GRK5: variants seen among roughly 807,000 people sequenced by gnomAD.
The protein encoded by GRK5 is G protein-coupled receptor kinase 5.
In GRK5, 40 loss-of-function variants were observed where a neutral mutation model predicts 78.4. That is an observed-to-expected ratio of 0.51 (90% CI 0.40 to 0.66). The LOEUF (loss-of-function observed/expected upper bound fraction) is 0.66. Ranked by LOEUF, GRK5 falls within the 30% of genes least tolerant of loss-of-function variation. The pLI, the probability that GRK5 is intolerant of heterozygous loss-of-function variation, is 0.00. For missense variants in GRK5, 598 were observed against 759.9 expected, an observed-to-expected ratio of 0.79 and a Z score of 2.50; for synonymous variants, 289 against 296.8, an observed-to-expected ratio of 0.97 and a Z score of 0.27.
intron 1 of GRK5, among the ~76,000 whole-genome samples, chr10:119,277,680 T>C (rs1379764128): frequency 6.6e-6 from 1 of 152,242 alleles, no homozygotes. Context: ...TATCCATCAC[T>C]GCTGAAAGTT....
At chr10:119,283,167 GT>G (rs949667234) in intron 1 of GRK5, among the ~76,000 whole-genome samples, 5 of 149,202 alleles carry the variant, frequency 3.4e-5, no homozygotes, top group South Asian at 2.1e-4. Context: ...TCAGGATGGT[GT>G]TTTTTTTTTA....
rs1853408446 is a variant in GRK5, at chr10:119,456,854, C to A, written c.*1787C>A. On this transcript the variant is annotated 3_prime_UTR_variant, in exon 16 of 16. Transcript: ENST00000392870. The surrounding 1 kb of genome is among the most constrained non-coding windows in gnomAD (Gnocchi z 5.5). ...TGAGGCCCGGTTTCCATGCCTAACCCCCGGACTCTACCCCTGGGTCCTGGG... is the reference window on the plus strand; with the variant it reads ...TGAGGCCCGGTTTCCATGCCTAACCACCGGACTCTACCCCTGGGTCCTGGG... 6.6e-6 allele frequency: 1 copy of A among 152,280 alleles called. No individual in the cohort carries two copies. Among genetic ancestry groups the A allele is most frequent in the Non-Finnish European group, 1.5e-5 (1 of 68,104 alleles). 9.4% of individuals were successfully genotyped at this position (152,280 alleles called of 1,614,324 possible).
At chr10:119,224,223 G>A (rs531452657) in intron 1 of GRK5, among the ~76,000 whole-genome samples, 1 of 152,158 alleles carries the variant, frequency 6.6e-6, no homozygotes, top group South Asian at 2.1e-4. Flanking sequence ...CAGATTCCCA[G>A]ACTGGGCTCT....
intron 3 of GRK5, among the ~76,000 whole-genome samples, chr10:119,393,298 C>T (rs990017904): frequency 6.6e-6 from 1 of 152,268 alleles, no homozygotes; most frequent in African/African-American, 2.4e-5. Flanking sequence ...CTCCCTCTGC[C>T]GCCCTGTGGA....
chr10:119,268,891 G>C (rs1363898542), intron 1 of GRK5, among the ~76,000 whole-genome samples: 1 of 152,232 alleles, frequency 6.6e-6, no homozygotes, highest in African/African-American at 2.4e-5. Context: ...CCAGGAGCCA[G>C]CTGTCCTCAC....
At chr10:119,294,121 G>C (rs1850034901) in intron 1 of GRK5, among the ~76,000 whole-genome samples, 1 of 152,156 alleles carries the variant, frequency 6.6e-6, no homozygotes, top group Non-Finnish European at 1.5e-5. Context: ...CCTCCTGCAG[G>C]GAGGAAAGCG....
In GRK5 at chr10:119,365,657, A is replaced by G. The variant is rs148791989; in HGVS notation, c.149-15158A>G. 4.4e-3 allele frequency among the ~76,000 whole-genome samples: 674 copies of G among 152,324 alleles called. 6 individuals carry two copies. The highest frequency in any genetic ancestry group is 0.016 in the African/African-American group (650 of 41,570). On this transcript the variant is annotated intron_variant, in intron 2 of 15. Transcript: ENST00000392870. ...CATGCCCTGGGGTGATGAACAAGAC[A>G]AAAGCCTTCCCCTACCCGGCCTCAG...
intron 4 of GRK5, among the ~76,000 whole-genome samples, chr10:119,414,787 A>G (rs966406553): frequency 7.2e-5 from 11 of 152,176 alleles, no homozygotes; most frequent in Non-Finnish European, 8.8e-5. Context: ...GGTGCTCAAG[A>G]AAAGGCAATG....
chr10:119,417,741 T>A (rs1007294397), intron 4 of GRK5, among the ~76,000 whole-genome samples: 4 of 151,930 alleles, frequency 2.6e-5, no homozygotes, highest in African/African-American at 9.7e-5. Context: ...ATGCATGAGA[T>A]GAGGACAAAA....
At chr10:119,335,098 C>T (rs1421139106) in intron 2 of GRK5, 2 of 144,892 alleles carry the variant, frequency 1.4e-5, no homozygotes, top group East Asian at 4.2e-4. Context: ...CCCAACATTG[C>T]CTGCCTGCCT....
chr10:119,443,989 A>G (rs1853093191), intron 12 of GRK5, among the ~76,000 whole-genome samples: 1 of 152,050 alleles, frequency 6.6e-6, no homozygotes, highest in African/African-American at 2.4e-5. Context: ...AACCAAGGGA[A>G]GAGGGGTGAG....
chr10:119,223,597 G>A (rs976075879), intron 1 of GRK5, among the ~76,000 whole-genome samples: 1 of 152,004 alleles, frequency 6.6e-6, no homozygotes, highest in Non-Finnish European at 1.5e-5. Flanking sequence ...AGGTTCCCTG[G>A]CAGTTGGTTT....
intron 1 of GRK5, among the ~76,000 whole-genome samples, chr10:119,323,033 T>C (rs562004578): frequency 1.3e-5 from 2 of 152,356 alleles, no homozygotes; most frequent in African/African-American, 2.4e-5. Context: ...GACATTACGC[T>C]AAGTGAAAGA....
intron 12 of GRK5, among the ~76,000 whole-genome samples, chr10:119,446,165 C>A (rs1853144563): frequency 6.6e-6 from 1 of 152,188 alleles, no homozygotes; most frequent in African/African-American, 2.4e-5. Flanking sequence ...CACACCTTCT[C>A]TTCCTCTCAC....
intron 1 of GRK5, among the ~76,000 whole-genome samples, chr10:119,261,507 C>T (rs1306312588): frequency 1.3e-5 from 2 of 151,918 alleles, no homozygotes; most frequent in Non-Finnish European, 2.9e-5. Context: ...GGCGGCCGGG[C>T]AGAGGCTGCA....
At chr10:119,427,817 C>T (rs947839969) in intron 6 of GRK5, among the ~76,000 whole-genome samples, 114 of 152,276 alleles carry the variant, frequency 7.5e-4, no homozygotes, top group African/African-American at 2.7e-3. Context: ...AGCATCACCA[C>T]CATCATCAGC....
At chr10:119,449,652 G>A (rs558495385) in intron 13 of GRK5, among the ~76,000 whole-genome samples, 1 of 152,230 alleles carries the variant, frequency 6.6e-6, no homozygotes, top group South Asian at 2.1e-4. Context: ...AACCAGGCTT[G>A]GGGGCACACA....
chr10:119,251,990 C>T (rs974924150), intron 1 of GRK5, among the ~76,000 whole-genome samples: 2 of 152,354 alleles, frequency 1.3e-5, no homozygotes, highest in African/African-American at 4.8e-5. Flanking sequence ...TCATCCCACC[C>T]TCCCTGCCTT....
intron 1 of GRK5, among the ~76,000 whole-genome samples, chr10:119,215,747 G>T: frequency 6.6e-6 from 1 of 152,104 alleles, no homozygotes. Flanking sequence ...TTAAGTGCAT[G>T]ATATAGATAC....
Sources: allele counts gnomAD v4.1 joint callset (sites outside exome capture counted in the v4.1 genomes callset), GRCh38; gene constraint gnomAD v4.1.1; non-coding constraint Gnocchi (gnomAD v3.1); transcripts MANE v1.5; gene names NCBI Gene and HGNC (gene_info 2026-07-23, HGNC 2026-07-21).